Variants in GLIS3 observed in about 807,000 individuals in gnomAD.
GLIS3 encodes GLIS family zinc finger 3, also known as zinc finger protein GLIS3.
In GLIS3, 53 loss-of-function variants were observed where a neutral mutation model predicts 78.6. That is an observed-to-expected ratio of 0.67 (90% confidence interval 0.54 to 0.85). GLIS3 has a LOEUF of 0.85. GLIS3 is among the 40% of genes least tolerant of loss of function. The pLI is 0.00. For missense variants in GLIS3, 1,703 were observed against 1,231.1 expected (o/e 1.38, Z -5.74); for synonymous variants, 684 against 509.9 (o/e 1.34, Z -4.60).
chr9:4,358,708 A>C, the GLIS3 span, among the ~76,000 whole-genome samples: 3 of 152,208 alleles, frequency 2.0e-5, 1 homozygote, highest in Non-Finnish European at 4.4e-5. Flanking sequence ...AGGAATGGGC[A>C]CACGTGTGTA....
chr9:4,097,716 A>G (rs1157888442), intron 4 of GLIS3, among the ~76,000 whole-genome samples: 1 of 152,214 alleles, frequency 6.6e-6, no homozygotes, highest in Non-Finnish European at 1.5e-5. Flanking sequence ...TGAATTGCTC[A>G]ATATGAAAAA....
chr9:4,311,777 T>C (rs6476846), intron 2 of GLIS3, among the ~76,000 whole-genome samples: 127,854 of 152,220 alleles, frequency 0.84, 53,931 homozygotes, highest in East Asian at 0.97. Context: ...CTGTCAGCAG[T>C]GGTCGTCTGA....
At chr9:4,259,814 G>A (rs1825338717) in intron 2 of GLIS3, among the ~76,000 whole-genome samples, 3 of 152,146 alleles carry the variant, frequency 2.0e-5, no homozygotes, top group Admixed American at 6.5e-5. Flanking sequence ...AGCCTTTCTG[G>A]AATTAGATGC....
intron 2 of GLIS3, among the ~76,000 whole-genome samples, chr9:4,184,461 G>T (rs1449190448): frequency 6.6e-6 from 1 of 152,178 alleles, no homozygotes. Context: ...GCTTTTGTTG[G>T]GCAAATACTT....
At chr9:4,031,221 G>T (rs999719094) in intron 4 of GLIS3, among the ~76,000 whole-genome samples, 2 of 152,048 alleles carry the variant, frequency 1.3e-5, no homozygotes, top group East Asian at 3.8e-4. Context: ...GTCAAAAGGT[G>T]GAAATAACCC....
At chr9:4,236,180 G>A (rs1407654372) in intron 2 of GLIS3, among the ~76,000 whole-genome samples, 4 of 5,238 alleles carry the variant, frequency 7.6e-4, no homozygotes, top group Middle Eastern at 0.2. Flanking sequence ...TGACGTGGTT[G>A]TCACAAAAAA....
intron 8 of GLIS3, among the ~76,000 whole-genome samples, chr9:3,860,129 G>T (rs1241522899): frequency 1.3e-5 from 2 of 151,834 alleles, no homozygotes; most frequent in Admixed American, 6.6e-5. Flanking sequence ...CAAAATATTA[G>T]CCGGGTGTAG....
At chr9:4,309,945 A>G (rs142250200) in intron 3 of GLIS3, among the ~76,000 whole-genome samples, 1 of 152,376 alleles carries the variant, frequency 6.6e-6, no homozygotes, top group African/African-American at 2.4e-5. Flanking sequence ...TGTCTGTGCT[A>G]TATTTTCAAA....
chr9:4,316,364 C>T (rs191630271), intron 2 of GLIS3, among the ~76,000 whole-genome samples: 1 of 152,332 alleles, frequency 6.6e-6, no homozygotes, highest in South Asian at 2.1e-4. Context: ...CTTAACTGGA[C>T]TGACTTTATT....
intron 4 of GLIS3, among the ~76,000 whole-genome samples, chr9:4,038,962 T>C (rs147745513): frequency 2.0e-5 from 3 of 152,190 alleles, no homozygotes; most frequent in African/African-American, 7.2e-5. Context: ...GCCCTCCCCA[T>C]GTCTTCTCTC....
chr9:3,995,575 T>C (rs1227654128), intron 4 of GLIS3, among the ~76,000 whole-genome samples: 1 of 151,864 alleles, frequency 6.6e-6, no homozygotes, highest in African/African-American at 2.4e-5. Flanking sequence ...AATGAATGCA[T>C]AACAAAGAAA....
chr9:4,440,684 T>C, the GLIS3 span, among the ~76,000 whole-genome samples: 17 of 152,222 alleles, frequency 1.1e-4, no homozygotes, highest in African/African-American at 4.1e-4. Flanking sequence ...GGATTTTCTA[T>C]TTCCATGAAA....
At chr9:4,045,380 G>T (rs1825159648) in intron 4 of GLIS3, among the ~76,000 whole-genome samples, 1 of 152,056 alleles carries the variant, frequency 6.6e-6, no homozygotes, top group Non-Finnish European at 1.5e-5. Context: ...CTATCACCCA[G>T]GCTGGAGTGC....
the GLIS3 span, among the ~76,000 whole-genome samples, chr9:4,386,180 T>C: frequency 9.0e-4 from 137 of 152,254 alleles, 1 homozygote; most frequent in Admixed American, 2.9e-3. Context: ...AAACAGAATC[T>C]CCTCTAATCA....
At chr9:4,117,245 G>T (rs920445214) in intron 4 of GLIS3, among the ~76,000 whole-genome samples, 8 of 152,192 alleles carry the variant, frequency 5.3e-5, no homozygotes. Flanking sequence ...TCTCAACCCT[G>T]GAAGGTACAG....
chr9:3,869,917 G>C (rs1820864093), intron 8 of GLIS3, among the ~76,000 whole-genome samples: 1 of 152,220 alleles, frequency 6.6e-6, no homozygotes, highest in Non-Finnish European at 1.5e-5. Context: ...GTGAGAGGCA[G>C]AGGAGAGGCT....
chr9:4,388,616 C>A, the GLIS3 span, among the ~76,000 whole-genome samples: 2 of 152,068 alleles, frequency 1.3e-5, no homozygotes, highest in Admixed American at 1.3e-4. Flanking sequence ...GCGGAGGTTG[C>A]AGTGAGCCGA....
chr9:4,148,530 A>T (rs975409170), intron 2 of GLIS3, among the ~76,000 whole-genome samples: 1 of 152,068 alleles, frequency 6.6e-6, no homozygotes, highest in Non-Finnish European at 1.5e-5. Context: ...CTGTGGATCA[A>T]TTCTACCTCA....
chr9:4,329,180 G>C (rs1011269283), intron 2 of GLIS3, among the ~76,000 whole-genome samples: 1 of 152,044 alleles, frequency 6.6e-6, no homozygotes, highest in African/African-American at 2.4e-5. Flanking sequence ...TCATTTCCTT[G>C]AACCAAAAGC....
Sources: allele counts gnomAD v4.1 joint callset (sites outside exome capture counted in the v4.1 genomes callset), GRCh38; gene constraint gnomAD v4.1.1; transcripts MANE v1.5; gene names NCBI Gene and HGNC (gene_info 2026-07-23, HGNC 2026-07-21).